Variants in XYLT1 observed in about 807,000 individuals in gnomAD.
The protein encoded by XYLT1 is xylosyltransferase 1.
In XYLT1, 36 loss-of-function variants were observed where a neutral mutation model predicts 91.3. The ratio of observed to expected loss-of-function variants is 0.39; its 90% CI spans 0.30 to 0.52. The LOEUF is 0.52. Among genes scored for constraint, XYLT1 ranks in the 20% least tolerant of loss-of-function variants. XYLT1 has a pLI of 0.68. For missense variants in XYLT1, 1,242 were observed against 1,284.5 expected, an observed-to-expected ratio of 0.97 and a Z score of 0.51; for synonymous variants, 588 against 532.0, an observed-to-expected ratio of 1.11 and a Z score of -1.45.
At chr16:17,348,644 A>G (rs1383310476) in intron 2 of XYLT1, among the ~76,000 whole-genome samples, 1 of 152,132 alleles carries the variant, frequency 6.6e-6, no homozygotes, top group Non-Finnish European at 1.5e-5. Flanking sequence ...AAAACATGCA[A>G]TCACCCCTCC....
rs144553963 is a variant in XYLT1, at chr16:17,421,869, A to G, written c.363+48565T>C. On this transcript the variant is annotated intron_variant, in intron 1 of 11. Coordinates refer to ENST00000261381, the MANE Select transcript of XYLT1 (RefSeq NM_022166.4). ...CATTTTTTTTTCAAGACCGAGTCTC[A>G]CTCAATCACCCAGGCCAGAATGCAG... is the stretch of plus-strand genomic sequence containing the variant. Among the ~76,000 whole-genome samples the G allele has an allele frequency of 2.8e-3, 428 of 152,096 alleles. 4 individuals are homozygous for G. Among genetic ancestry groups the G allele is most frequent in the African/African-American group, 9.9e-3 (409 of 41,466 alleles).
intron 5 of XYLT1, among the ~76,000 whole-genome samples, chr16:17,186,712 G>A (rs965588622): frequency 6.6e-6 from 1 of 152,034 alleles, no homozygotes; most frequent in Non-Finnish European, 1.5e-5. Context: ...TGCTCCCTGC[G>A]GAACACCCAT....
chr16:17,280,243 G>C lies in XYLT1; in HGVS notation c.403-20745C>G, dbSNP rs558387175. Among the ~76,000 whole-genome samples the C allele has an allele frequency of 5.9e-5, 9 of 152,258 alleles. No homozygotes were observed. In the South Asian group the frequency reaches 1.9e-3, roughly 32 times the overall value. ...GCAGCACCTGTAATCCCAGATACTC[G>C]GGAGGCTGAGGTGGGTGAATCGCTT... is the stretch of plus-strand genomic sequence containing the variant. On this transcript the variant is annotated intron_variant, in intron 2 of 11. Coordinates refer to ENST00000261381, the MANE Select transcript of XYLT1 (RefSeq NM_022166.4).
chr16:17,295,457 G>A (rs2034296175), intron 2 of XYLT1, among the ~76,000 whole-genome samples: 1 of 152,048 alleles, frequency 6.6e-6, no homozygotes, highest in Non-Finnish European at 1.5e-5. Flanking sequence ...CCAGGTTCAA[G>A]CAATTCTCCC....
intron 1 of XYLT1, among the ~76,000 whole-genome samples, chr16:17,466,912 T>C (rs1261294823): frequency 1.3e-5 from 2 of 151,024 alleles, no homozygotes; most frequent in Non-Finnish European, 2.9e-5. Context: ...GAACCATCAA[T>C]AACATACCCT....
chr16:17,332,567 TACACACACACACACACACACACACAC>T (rs60919228), intron 2 of XYLT1, among the ~76,000 whole-genome samples: 245 of 138,004 alleles, frequency 1.8e-3, no homozygotes, highest in Non-Finnish European at 2.9e-3. Flanking sequence ...ATCACACACA[TACACACACACACACACACACACACAC>T]ACACACACAC....
intron 10 of XYLT1, among the ~76,000 whole-genome samples, chr16:17,121,014 A>G (rs541232356): frequency 2.0e-5 from 3 of 152,190 alleles, no homozygotes; most frequent in African/African-American, 7.2e-5. Context: ...TCTGTCTGTT[A>G]ATCAATCTAT....
chr16:17,138,149 T>A, intron 8 of XYLT1: 1 of 546,680 alleles, frequency 1.8e-6, no homozygotes, highest in Non-Finnish European at 3.1e-6. Context: ...GTTTTTGGGT[T>A]AATGAGTCAA....
chr16:17,463,590 T>C (rs563541479), intron 1 of XYLT1, among the ~76,000 whole-genome samples: 51 of 152,284 alleles, frequency 3.3e-4, no homozygotes, highest in Non-Finnish European at 5.7e-4. Flanking sequence ...GGTGAGGATG[T>C]GAGAAAATGG....
intron 2 of XYLT1, among the ~76,000 whole-genome samples, chr16:17,332,197 T>C (rs935919618): frequency 2.0e-5 from 3 of 152,230 alleles, no homozygotes; most frequent in African/African-American, 7.2e-5. Flanking sequence ...CCATCTGGTC[T>C]GTCCAGCTTT....
chr16:17,422,876 G>T lies in XYLT1; in HGVS notation c.363+47558C>A, dbSNP rs552352176. ...TTCCTTGGGGTCACTGCAAATAGTT[G>T]TATGATTTGTGTACCGCAAAGTGGC... On this transcript the variant is annotated intron_variant, in intron 1 of 11. Coordinates refer to ENST00000261381, the MANE Select transcript of XYLT1 (RefSeq NM_022166.4). Among the ~76,000 whole-genome samples, 65 of 152,218 alleles carry T rather than the reference G, an allele frequency of 4.3e-4. 1 individual carries two copies. Among genetic ancestry groups the T allele is most frequent in the South Asian group, 1.7e-3 (8 of 4,820 alleles).
At chr16:17,190,312 T>G (rs373302607) in intron 5 of XYLT1, among the ~76,000 whole-genome samples, 1 of 152,212 alleles carries the variant, frequency 6.6e-6, no homozygotes, top group East Asian at 1.9e-4. Flanking sequence ...TTTATTATTA[T>G]ACTTTAAGTT....
At chr16:17,114,743 C>T (rs1042135017) in intron 11 of XYLT1, among the ~76,000 whole-genome samples, 2 of 152,164 alleles carry the variant, frequency 1.3e-5, no homozygotes, top group Non-Finnish European at 2.9e-5. Context: ...TAGAGATGGA[C>T]ATGAATAATT....
intron 1 of XYLT1, among the ~76,000 whole-genome samples, chr16:17,463,823 T>C (rs917578852): frequency 1.2e-4 from 19 of 152,234 alleles, no homozygotes; most frequent in Admixed American, 1.0e-3. Context: ...ATAGCCAAGA[T>C]ATGAAATCAA....
chr16:17,119,583 TA>T (rs2029976049), intron 10 of XYLT1, among the ~76,000 whole-genome samples: 1 of 152,240 alleles, frequency 6.6e-6, no homozygotes, highest in Non-Finnish European at 1.5e-5. Flanking sequence ...GTCCATTCTT[TA>T]CCCAGCTTAC....
chr16:17,335,247 A>C (rs1435094392), intron 2 of XYLT1, among the ~76,000 whole-genome samples: 2 of 151,884 alleles, frequency 1.3e-5, no homozygotes, highest in Non-Finnish European at 2.9e-5. Context: ...TAACAAACAA[A>C]AAAAAAACTA....
chr16:17,248,147 C>T (rs113836228), intron 3 of XYLT1, among the ~76,000 whole-genome samples: 1,757 of 152,178 alleles, frequency 0.012, 34 homozygotes, highest in African/African-American at 0.04. Context: ...TTGCTGTTCT[C>T]GTGATAGTGA....
chr16:17,190,548 G>A (rs1036611852), intron 5 of XYLT1, among the ~76,000 whole-genome samples: 1 of 149,906 alleles, frequency 6.7e-6, no homozygotes, highest in South Asian at 2.1e-4. Flanking sequence ...TGTGGTGTTC[G>A]GTTTTTTGTC....
intron 6 of XYLT1, among the ~76,000 whole-genome samples, chr16:17,151,704 T>G (rs1311285316): frequency 6.6e-6 from 1 of 152,130 alleles, no homozygotes; most frequent in Non-Finnish European, 1.5e-5. Flanking sequence ...TAGTTCAATG[T>G]CAGAAAAGGG....
Sources: gnomAD v4.1 joint callset for allele counts (sites outside exome capture counted in the v4.1 genomes callset) on GRCh38, gnomAD v4.1.1 for gene constraint, MANE v1.5 for transcripts, NCBI Gene and HGNC (gene_info 2026-07-23, HGNC 2026-07-21) for gene names.